The following CLSTN1 variants were observed in gnomAD, a reference collection of about 807,000 sequenced individuals.
CLSTN1 encodes calsyntenin 1, also known as calsyntenin-1.
Under a neutral mutation model 108.3 loss-of-function variants are expected in CLSTN1, and 28 were observed. The ratio of observed to expected loss-of-function variants is 0.26; its 90% CI spans 0.19 to 0.35. The LOEUF (loss-of-function observed/expected upper bound fraction) is 0.35, where lower values mean the gene tolerates loss of function less well. CLSTN1 is among the 10% of genes least tolerant of loss of function. The pLI, the probability that CLSTN1 is intolerant of heterozygous loss-of-function variation, is 1.00. For missense variants in CLSTN1, 1,157 were observed against 1,302.6 expected (o/e 0.89, Z 1.72); for synonymous variants, 524 against 534.9 (o/e 0.98, Z 0.28).
Position 9,751,356 on chromosome 1 carries a change from G to C in CLSTN1, c.649+117C>G, listed in dbSNP as rs992906729. The C allele has an allele frequency of 1.1e-5, 10 of 891,958 alleles. No individual in the cohort carries two copies. In the African/African-American group the frequency reaches 1.5e-4, roughly 14 times the overall value. 55.3% of individuals were successfully genotyped at this position (891,958 alleles called of 1,614,324 possible). ...TTAAAAGCAAACACACACCAGGTTAGGTCTCCAACTTGTGAGTTCCATGAA... is the reference window on the plus strand; with the variant it reads ...TTAAAAGCAAACACACACCAGGTTACGTCTCCAACTTGTGAGTTCCATGAA... On this transcript the variant is annotated intron_variant, in intron 5 of 18. Coordinates refer to ENST00000377298, the MANE Select transcript of CLSTN1 (RefSeq NM_001009566.3).
chr1:9,817,579 C>T (rs1655023411), intron 1 of CLSTN1, among the ~76,000 whole-genome samples: 1 of 152,156 alleles, frequency 6.6e-6, no homozygotes, highest in South Asian at 2.1e-4. Flanking sequence ...CCGCCTGCCT[C>T]GGCCTCCCAA....
chr1:9,819,644 C>T (rs1655117857), intron 1 of CLSTN1, among the ~76,000 whole-genome samples: 2 of 152,058 alleles, frequency 1.3e-5, no homozygotes, highest in South Asian at 2.1e-4. Context: ...AATATCCAGC[C>T]AAAGGACGAA....
chr1:9,747,016 C>T (rs879565568), intron 7 of CLSTN1, among the ~76,000 whole-genome samples: 1 of 150,374 alleles, frequency 6.7e-6, no homozygotes, highest in Non-Finnish European at 1.5e-5. Flanking sequence ...CCCATCTCTA[C>T]TAAACATACA....
intron 10 of CLSTN1, among the ~76,000 whole-genome samples, chr1:9,737,865 T>G (rs1052108140): frequency 1.3e-5 from 2 of 152,080 alleles, no homozygotes; most frequent in African/African-American, 4.8e-5. Flanking sequence ...CCCTCCCCAA[T>G]CCGTGCTATG....
At chr1:9,788,749 T>C (rs2101217012) in intron 1 of CLSTN1, among the ~76,000 whole-genome samples, 1 of 149,332 alleles carries the variant, frequency 6.7e-6, no homozygotes, top group Admixed American at 6.9e-5. Flanking sequence ...GTGCCTGCAG[T>C]CCCAGCTCCT....
chr1:9,755,079 G>A, intron 4 of CLSTN1, 35 bp downstream of exon 4: 1 of 1,576,624 alleles, frequency 6.3e-7, no homozygotes, highest in Non-Finnish European at 8.7e-7. Context: ...CGTTTACTCG[G>A]TGGGTTATGT....
intron 10 of CLSTN1, 25 bp from the exon 11 acceptor site, chr1:9,737,579 A>T (rs1210513014): frequency 1.2e-6 from 2 of 1,610,190 alleles, no homozygotes; most frequent in South Asian, 2.2e-5. Flanking sequence ...GACAAAGACA[A>T]TAGAAAAGGA....
chr1:9,786,418 G>A (rs1653489757), intron 1 of CLSTN1, among the ~76,000 whole-genome samples: 1 of 152,106 alleles, frequency 6.6e-6, no homozygotes, highest in Admixed American at 6.6e-5. Context: ...GAGGCAGGCT[G>A]ATCACCTGAA....
chr1:9,749,434 G>C lies in CLSTN1; in HGVS notation c.985+27C>G, dbSNP rs370935706. Reference sequence around the variant, plus strand: ...CCTCCCACCTTCACCAAAGCCAGCCGGATGCAAGAACGCCTGGTCTCCTTA... The same window carrying C: ...CCTCCCACCTTCACCAAAGCCAGCCCGATGCAAGAACGCCTGGTCTCCTTA... On this transcript the variant is annotated intron_variant, in intron 7 of 18. Transcript: ENST00000377298. 2.5e-6 allele frequency: 4 copies of C among 1,583,296 alleles called. No homozygotes were observed. In the Admixed American group the frequency reaches 5.8e-5, roughly 23 times the overall value.
chr1:9,769,627 G>A (rs1480810542), intron 2 of CLSTN1, among the ~76,000 whole-genome samples: 1 of 152,216 alleles, frequency 6.6e-6, no homozygotes, highest in South Asian at 2.1e-4. Flanking sequence ...ACTGAGGGAT[G>A]AGTGCCACTT....
At chr1:9,771,944 A>C (rs1201533136) in intron 2 of CLSTN1, among the ~76,000 whole-genome samples, 1 of 151,716 alleles carries the variant, frequency 6.6e-6, no homozygotes, top group Non-Finnish European at 1.5e-5. Context: ...AAATTCATCC[A>C]ATTTTTCTTA....
rs77773995 is a variant in CLSTN1 at position 9,737,788 on chromosome 1, C to T, written c.1520-234G>A. Among the ~76,000 whole-genome samples, 1,195 of 152,298 alleles carry T rather than the reference C, an allele frequency of 7.8e-3. 19 individuals are homozygous for T. The highest frequency in any genetic ancestry group is 0.025 in the African/African-American group (1,030 of 41,568). ...CTTCTTTTGTTCCACCTTCCCACATCCTCCTTGCCAAAACATATGTTAGAT... is the reference window on the plus strand; with the variant it reads ...CTTCTTTTGTTCCACCTTCCCACATTCTCCTTGCCAAAACATATGTTAGAT... On this transcript the variant is annotated intron_variant, in intron 10 of 18. Coordinates refer to ENST00000377298, the MANE Select transcript of CLSTN1 (RefSeq NM_001009566.3).
chr1:9,784,566 G>A (rs749803855), intron 1 of CLSTN1, among the ~76,000 whole-genome samples: 22 of 152,124 alleles, frequency 1.4e-4, no homozygotes, highest in Non-Finnish European at 2.2e-4. Context: ...ATCATGACAC[G>A]TAGGTTGGTC....
At position 9,823,431 on chromosome 1, in the gene CLSTN1, G is replaced by T. The variant is rs1218698793; in HGVS notation, c.91+212C>A. 6.6e-6 allele frequency among the ~76,000 whole-genome samples: 1 copy of T among 152,004 alleles called. No individual in the cohort carries two copies. The highest frequency in any genetic ancestry group is 2.4e-5 in the African/African-American group (1 of 41,386). ...CGCGCCCACAGTCTCCTGCGCCCTGGCCCCGGCTCCGCGAGCCCGACCCCC... is the reference window on the plus strand; with the variant it reads ...CGCGCCCACAGTCTCCTGCGCCCTGTCCCCGGCTCCGCGAGCCCGACCCCC... On this transcript the variant is annotated intron_variant, in intron 1 of 18. Coordinates refer to ENST00000377298, the MANE Select transcript of CLSTN1 (RefSeq NM_001009566.3). The surrounding 1 kb of genome is among the most constrained non-coding windows in gnomAD (Gnocchi z 6.3).
intron 15 of CLSTN1, 79 bp from the exon 16 acceptor site, chr1:9,733,625 C>A (rs1650525925): frequency 6.4e-7 from 1 of 1,561,560 alleles, no homozygotes; most frequent in Admixed American, 1.7e-5. Context: ...TCAGCACAGG[C>A]AGGCTCAATT....
intron 1 of CLSTN1, among the ~76,000 whole-genome samples, chr1:9,797,891 C>T (rs1386075258): frequency 6.6e-6 from 1 of 151,716 alleles, no homozygotes; most frequent in East Asian, 2.0e-4. Context: ...ACCAGGAGTT[C>T]GAGGCCAGCC....
At chr1:9,743,693 A>G (rs563630262) in intron 9 of CLSTN1, among the ~76,000 whole-genome samples, 191 bp downstream of exon 9, 17 of 150,768 alleles carry the variant, frequency 1.1e-4, no homozygotes, top group African/African-American at 3.9e-4. Flanking sequence ...GACTACAGGC[A>G]TGTGCCACCA....
At chr1:9,754,985 C>G in intron 4 of CLSTN1, 129 bp downstream of exon 4, 2 of 670,098 alleles carry the variant, frequency 3.0e-6, no homozygotes, top group Non-Finnish European at 5.1e-6. Context: ...TAATTGTAGA[C>G]ACTTGAGAAC....
Position 9,823,775 on chromosome 1 carries a change from C to A in CLSTN1, c.-42G>T. On this transcript the variant is annotated 5_prime_UTR_variant, in exon 1 of 19. Transcript: ENST00000377298. The surrounding 1 kb of genome is among the most constrained non-coding windows in gnomAD (Gnocchi z 6.3). ...GAGCGGCAGGGAGGCGCGCGGGACG[C>A]CGAGCGGAGCTCTCGGAGCTCTCGG... 1 of 963,358 alleles carries A rather than the reference C, an allele frequency of 1.0e-6. No homozygotes were observed. 59.7% of individuals were successfully genotyped at this position (963,358 alleles called of 1,614,324 possible).
Sources: allele counts gnomAD v4.1 joint callset (sites outside exome capture counted in the v4.1 genomes callset), GRCh38; gene constraint gnomAD v4.1.1; non-coding constraint Gnocchi (gnomAD v3.1); transcripts MANE v1.5; gene names NCBI Gene and HGNC (gene_info 2026-07-23, HGNC 2026-07-21).